The following LMBRD1 variants were observed in gnomAD, a reference collection of about 807,000 sequenced individuals.
The protein encoded by LMBRD1 is LMBR1 domain containing 1, also known as lysosomal cobalamin transport escort protein LMBD1.
In LMBRD1, 64 loss-of-function variants were observed where a neutral mutation model predicts 74.8. The ratio of observed to expected loss-of-function variants is 0.86; its 90% confidence interval spans 0.70 to 1.05. LMBRD1 has a LOEUF of 1.05. Among genes scored for constraint, LMBRD1 ranks in the 50% least tolerant of loss-of-function variants. The pLI, the probability that LMBRD1 is intolerant of heterozygous loss-of-function variation, is 0.00. For missense variants in LMBRD1, 652 were observed against 645.9 expected (o/e 1.01, Z -0.10); for synonymous variants, 204 against 216.3 (o/e 0.94, Z 0.50).
At chr6:69,796,689 G>A in intron 1 of LMBRD1, 124 bp downstream of exon 1, 1 of 865,476 alleles carries the variant, frequency 1.2e-6, no homozygotes, top group Non-Finnish European at 1.9e-6. Flanking sequence ...GCCCTCCACA[G>A]TCCAAGCTAA....
At chr6:69,795,175 T>C (rs1221796441) in intron 1 of LMBRD1, among the ~76,000 whole-genome samples, 1 of 152,238 alleles carries the variant, frequency 6.6e-6, no homozygotes, top group Admixed American at 6.5e-5. Flanking sequence ...TTAAAGAGAT[T>C]TGCAGAAATT....
At chr6:69,728,009 A>T (rs910630277) in intron 7 of LMBRD1, among the ~76,000 whole-genome samples, 2 of 152,200 alleles carry the variant, frequency 1.3e-5, no homozygotes, top group African/African-American at 4.8e-5. Context: ...ATTGCTATAA[A>T]GAACTACCTG....
rs867306995 is a variant in LMBRD1 at position 69,723,553 on chromosome 6, A to G, written c.637-4472T>C. ...TATACAAACACATGGAAATTAAACA[A>G]TATGCTCCTAAATGACCAGTGGGTC... On this transcript the variant is annotated intron_variant, in intron 7 of 15. Transcript: ENST00000649934. 2.2e-4 allele frequency among the ~76,000 whole-genome samples: 34 copies of G among 152,250 alleles called. 1 individual carries two copies. Among genetic ancestry groups the G allele is most frequent in the African/African-American group, 7.7e-4 (32 of 41,574 alleles).
intron 3 of LMBRD1, among the ~76,000 whole-genome samples, chr6:69,762,884 T>C (rs1765401742): frequency 6.6e-6 from 1 of 152,158 alleles, no homozygotes; most frequent in Non-Finnish European, 1.5e-5. Context: ...TTGGACTTCC[T>C]AGCTTCCAGA....
intron 1 of LMBRD1, among the ~76,000 whole-genome samples, chr6:69,791,582 C>T (rs1371247644): frequency 6.6e-6 from 1 of 152,124 alleles, no homozygotes; most frequent in Non-Finnish European, 1.5e-5. Context: ...TTTTAAAAGC[C>T]TTGTTTTGAC....
At chr6:69,773,520 G>T (rs1420884787) in intron 3 of LMBRD1, among the ~76,000 whole-genome samples, 5 of 152,116 alleles carry the variant, frequency 3.3e-5, no homozygotes, top group African/African-American at 1.2e-4. Flanking sequence ...TCTCTTAGGT[G>T]CTCTAAAAGT....
chr6:69,697,469 G>C (rs1001127329), intron 14 of LMBRD1, 94 bp downstream of exon 14: 4 of 856,746 alleles, frequency 4.7e-6, no homozygotes, highest in Non-Finnish European at 8.0e-6. Context: ...TTCTTACCAC[G>C]TAGTAAAACA....
chr6:69,734,197 G>A (rs2149866565), intron 7 of LMBRD1, among the ~76,000 whole-genome samples: 1 of 152,208 alleles, frequency 6.6e-6, no homozygotes, highest in South Asian at 2.1e-4. Context: ...CTTGGCCTTA[G>A]GCCTTAAGTG....
At chr6:69,681,236 G>C (rs1171486826) in intron 14 of LMBRD1, among the ~76,000 whole-genome samples, 3 of 151,938 alleles carry the variant, frequency 2.0e-5, no homozygotes, top group Non-Finnish European at 4.4e-5. Flanking sequence ...GGCATCTGAA[G>C]CATATGAATA....
intron 9 of LMBRD1, among the ~76,000 whole-genome samples, chr6:69,707,361 TCTGTAAGG>T (rs1471059520): frequency 2.6e-5 from 4 of 152,200 alleles, no homozygotes; most frequent in Non-Finnish European, 5.9e-5. Flanking sequence ...CTTAATTACA[TCTGTAAGG>T]TTCCTTTGCC....
Position 69,751,074 on chromosome 6 carries a change from A to T in LMBRD1, c.405+1185T>A, listed in dbSNP as rs369888703. On this transcript the variant is annotated intron_variant, in intron 4 of 15. Transcript: ENST00000649934. ...CCCTAAATTACAGTGTTCGATTTTG[A>T]CATATACCTTTTAACATATATTTTT... 2.9e-4 allele frequency among the ~76,000 whole-genome samples: 44 copies of T among 152,254 alleles called. No homozygotes were observed. The East Asian group carries it at 4.6e-3, about 16-fold the overall frequency.
intron 3 of LMBRD1, among the ~76,000 whole-genome samples, chr6:69,779,710 A>G (rs1765784458): frequency 1.3e-5 from 2 of 152,256 alleles, no homozygotes; most frequent in Admixed American, 6.5e-5. Context: ...AGTGAATCTA[A>G]ATGAAGCAAA....
intron 14 of LMBRD1, among the ~76,000 whole-genome samples, chr6:69,679,968 G>A (rs1005386106): frequency 1.1e-4 from 17 of 152,084 alleles, no homozygotes; most frequent in Admixed American, 9.2e-4. Context: ...TTTCAGACAC[G>A]CATGTCCAAC....
chr6:69,767,668 T>C (rs1765498790), intron 3 of LMBRD1, among the ~76,000 whole-genome samples: 3 of 151,946 alleles, frequency 2.0e-5, no homozygotes, highest in African/African-American at 7.2e-5. Context: ...AATTGTGTTC[T>C]GCATCCATTG....
rs1766131489 is a variant in LMBRD1, at chr6:69,793,344, T to C, written c.70-2872A>G. Among the ~76,000 whole-genome samples, 2 of 152,192 alleles carry C rather than the reference T, an allele frequency of 1.3e-5. 1 individual carries two copies. The highest frequency in any genetic ancestry group is 4.1e-4 in the South Asian group (2 of 4,836). ...GAGAAGAGATGAATCTTCATTAAAC[T>C]AATGAGAATAGATGACATACTGTAT... On this transcript the variant is annotated intron_variant, in intron 1 of 15. Coordinates refer to ENST00000649934, the MANE Select transcript of LMBRD1 (RefSeq NM_018368.4).
intron 2 of LMBRD1, among the ~76,000 whole-genome samples, chr6:69,783,867 A>G (rs546685686): frequency 1.4e-4 from 22 of 152,336 alleles, no homozygotes; most frequent in African/African-American, 5.3e-4. Flanking sequence ...CTCAAAAAAA[A>G]ATATTAAAAA....
intron 9 of LMBRD1, 52 bp downstream of exon 9, chr6:69,713,593 C>A: frequency 1.3e-6 from 2 of 1,572,922 alleles, no homozygotes; most frequent in Non-Finnish European, 1.7e-6. Flanking sequence ...CCAAGAGGTA[C>A]TACATAAACT....
At chr6:69,705,166 C>A (rs1173628167) in intron 9 of LMBRD1, 1 of 496,134 alleles carries the variant, frequency 2.0e-6, no homozygotes, top group East Asian at 3.8e-5. Flanking sequence ...GCCTGGACAA[C>A]ATTTATCAAA....
chr6:69,791,378 T>G (rs1321730884), intron 1 of LMBRD1, among the ~76,000 whole-genome samples: 2 of 152,214 alleles, frequency 1.3e-5, no homozygotes, highest in Non-Finnish European at 2.9e-5. Context: ...AGACAGAGAC[T>G]GTGTTATTTC....
Sources: allele counts gnomAD v4.1 joint callset (sites outside exome capture counted in the v4.1 genomes callset), GRCh38; gene constraint gnomAD v4.1.1; transcripts MANE v1.5; gene names NCBI Gene and HGNC (gene_info 2026-07-23, HGNC 2026-07-21).